Variants in ZNRF1 observed in about 807,000 individuals in gnomAD.
ZNRF1 encodes the protein zinc and ring finger 1, also known as E3 ubiquitin-protein ligase ZNRF1.
ZNRF1 carries 3 observed loss-of-function variants against 18.4 expected under a neutral mutation model. The ratio of observed to expected loss-of-function variants is 0.16; its 90% CI spans 0.07 to 0.42. The LOEUF (loss-of-function observed/expected upper bound fraction) is 0.42, where lower values mean the gene tolerates loss of function less well. Among genes scored for constraint, ZNRF1 ranks in the 10% least tolerant of loss-of-function variants. The pLI, the probability that ZNRF1 is intolerant of heterozygous loss-of-function variation, is 0.99. For synonymous variants in ZNRF1, 157 were observed against 144.2 expected (o/e 1.09, Z -0.64); for missense variants, 310 against 329.8 (o/e 0.94, Z 0.47).
At chr16:75,062,659 T>C (rs2145390136) in intron 1 of ZNRF1, among the ~76,000 whole-genome samples, 1 of 152,306 alleles carries the variant, frequency 6.6e-6, no homozygotes, top group East Asian at 1.9e-4. Flanking sequence ...TTCATGACTT[T>C]GTGAGAGCCT....
chr16:75,043,371 C>G (rs1465510096), intron 1 of ZNRF1, among the ~76,000 whole-genome samples: 1 of 152,164 alleles, frequency 6.6e-6, no homozygotes, highest in Non-Finnish European at 1.5e-5. Flanking sequence ...CTCAGTTTTA[C>G]TTTAAGGAAC....
rs535527902 is a variant in ZNRF1, at chr16:75,003,141, T to C, written c.424+3046T>C. ...ATAAGCTTGGGGCTAATTTTGTTTTTTGTAGAGACGGGATTTCTCCATGTT... is the reference window on the plus strand; with the variant it reads ...ATAAGCTTGGGGCTAATTTTGTTTTCTGTAGAGACGGGATTTCTCCATGTT... On this transcript the variant is annotated intron_variant, in intron 1 of 4. Coordinates refer to ENST00000335325, the MANE Select transcript of ZNRF1 (RefSeq NM_032268.5). 3.4e-3 allele frequency among the ~76,000 whole-genome samples: 519 copies of C among 152,326 alleles called. 1 individual carries two copies. Among genetic ancestry groups the C allele is most frequent in the Non-Finnish European group, 5.8e-3 (396 of 68,032 alleles).
At chr16:75,052,782 C>CAT (rs773055095) in intron 1 of ZNRF1, among the ~76,000 whole-genome samples, 5 of 152,364 alleles carry the variant, frequency 3.3e-5, no homozygotes, top group Admixed American at 1.3e-4. Flanking sequence ...ACTGTCTATA[C>CAT]AGCCTTCCCT....
chr16:75,032,432 C>G (rs1254494786), intron 1 of ZNRF1, among the ~76,000 whole-genome samples: 1 of 151,850 alleles, frequency 6.6e-6, no homozygotes, highest in African/African-American at 2.4e-5. Context: ...ATTGGGTCTT[C>G]ATATATAGTC....
intron 1 of ZNRF1, among the ~76,000 whole-genome samples, chr16:75,084,203 C>A (rs879345409): frequency 2.0e-5 from 3 of 152,154 alleles, no homozygotes; most frequent in Non-Finnish European, 4.4e-5. Context: ...CACAAACCCA[C>A]CCTTAACTTC....
chr16:75,108,613 CTT>C lies in ZNRF1; in HGVS notation c.*914_*915del, dbSNP rs924454935. The C allele has an allele frequency of 4.3e-5, 17 of 398,616 alleles. No homozygotes were observed. Among genetic ancestry groups the C allele is most frequent in the African/African-American group, 2.3e-4 (11 of 48,574 alleles). 24.7% of individuals were successfully genotyped at this position (398,616 alleles called of 1,614,324 possible). On this transcript the variant is annotated 3_prime_UTR_variant, in exon 5 of 5. Coordinates refer to ENST00000335325, the MANE Select transcript of ZNRF1 (RefSeq NM_032268.5). Reference sequence around the variant, plus strand: ...TTATATATTAAAATACAAAAAAAAACTTATAAAATGTTTAAAAAAATGTTCAA... The same window carrying C: ...TTATATATTAAAATACAAAAAAAAACATAAAATGTTTAAAAAAATGTTCAA...
intron 2 of ZNRF1, among the ~76,000 whole-genome samples, chr16:75,097,038 A>T (rs2145424835): frequency 6.6e-6 from 1 of 152,202 alleles, no homozygotes; most frequent in East Asian, 1.9e-4. Flanking sequence ...GCCTTCCTGG[A>T]AGGTGAGGAT....
intron 1 of ZNRF1, among the ~76,000 whole-genome samples, chr16:75,048,429 T>G (rs917204356): frequency 6.6e-6 from 1 of 152,210 alleles, no homozygotes; most frequent in South Asian, 2.1e-4. Flanking sequence ...GCCCCTAACA[T>G]TGAATAATGC....
intron 1 of ZNRF1, among the ~76,000 whole-genome samples, chr16:75,093,237 T>C (rs964950587): frequency 2.0e-5 from 3 of 151,938 alleles, no homozygotes; most frequent in African/African-American, 4.8e-5. Flanking sequence ...ATACAAAAAT[T>C]AGCCAGGCGT....
intron 1 of ZNRF1, among the ~76,000 whole-genome samples, chr16:75,089,824 C>T (rs1290906464): frequency 6.6e-6 from 1 of 152,160 alleles, no homozygotes; most frequent in Non-Finnish European, 1.5e-5. Context: ...TTCCTAGTAC[C>T]TTAGCTGTAA....
chr16:75,051,236 C>T (rs191792952), intron 1 of ZNRF1, among the ~76,000 whole-genome samples: 2 of 151,952 alleles, frequency 1.3e-5, no homozygotes, highest in African/African-American at 4.8e-5. Flanking sequence ...GAGACGGAGT[C>T]TCACTCTGTC....
At chr16:75,025,101 T>C (rs915914457) in intron 1 of ZNRF1, among the ~76,000 whole-genome samples, 2 of 152,158 alleles carry the variant, frequency 1.3e-5, no homozygotes, top group East Asian at 1.9e-4. Flanking sequence ...AGAGTTGCAC[T>C]CTGTTGCCCA....
chr16:75,087,383 C>T (rs973966901), intron 1 of ZNRF1, among the ~76,000 whole-genome samples: 1 of 152,246 alleles, frequency 6.6e-6, no homozygotes, highest in Non-Finnish European at 1.5e-5. Flanking sequence ...GCTCTGCTCT[C>T]TGGTACAGCC....
intron 2 of ZNRF1, among the ~76,000 whole-genome samples, chr16:75,099,438 A>C (rs999979741): frequency 1.7e-4 from 25 of 151,496 alleles, no homozygotes; most frequent in African/African-American, 4.1e-4. Flanking sequence ...TTTCAGCTCC[A>C]GGGCCGTGCT....
At chr16:75,096,102 A>G (rs1196441181) in intron 2 of ZNRF1, among the ~76,000 whole-genome samples, 1 of 108,430 alleles carries the variant, frequency 9.2e-6, no homozygotes, top group Non-Finnish European at 1.9e-5. Context: ...GTGTGTGTGT[A>G]AACTAGAGGC....
At chr16:75,039,643 A>C (rs1427703999) in intron 1 of ZNRF1, among the ~76,000 whole-genome samples, 1 of 152,182 alleles carries the variant, frequency 6.6e-6, no homozygotes, top group East Asian at 1.9e-4. Context: ...CTCTGTTTTT[A>C]ATGACTGGTC....
chr16:75,033,480 C>A (rs1278339621), intron 1 of ZNRF1, among the ~76,000 whole-genome samples: 1 of 150,354 alleles, frequency 6.7e-6, no homozygotes, highest in Non-Finnish European at 1.5e-5. Flanking sequence ...CGCTCTGTCA[C>A]CCAGGCTGGA....
intron 1 of ZNRF1, among the ~76,000 whole-genome samples, chr16:75,088,457 G>C (rs547067273): frequency 6.6e-6 from 1 of 152,336 alleles, no homozygotes; most frequent in East Asian, 1.9e-4. Flanking sequence ...AAAAAAAAGT[G>C]TCCATTGTTT....
intron 2 of ZNRF1, among the ~76,000 whole-genome samples, chr16:75,096,843 C>T (rs928511198): frequency 6.6e-6 from 1 of 152,134 alleles, no homozygotes; most frequent in African/African-American, 2.4e-5. Context: ...TAGCTGCCTG[C>T]TAGCTTAGAA....
Sources: allele counts gnomAD v4.1 joint callset (sites outside exome capture counted in the v4.1 genomes callset), GRCh38; gene constraint gnomAD v4.1.1; transcripts MANE v1.5; gene names NCBI Gene and HGNC (gene_info 2026-07-23, HGNC 2026-07-21).